MNT: variants seen among roughly 807,000 people sequenced by gnomAD.
The protein encoded by MNT is max-binding protein MNT.
Under a neutral mutation model 40.7 loss-of-function variants are expected in MNT, and 13 were observed. That is an observed-to-expected ratio of 0.32 (90% CI 0.21 to 0.51). The LOEUF is 0.51. Ranked by LOEUF, MNT falls within the 20% of genes least tolerant of loss-of-function variation. The pLI is 0.98. For synonymous variants in MNT, 426 were observed against 354.8 expected, an observed-to-expected ratio of 1.20 and a Z score of -2.26; for missense variants, 757 against 792.0, an observed-to-expected ratio of 0.96 and a Z score of 0.53.
chr17:2,391,813 G>A (rs1287817598), intron 4 of MNT: 1 of 152,318 alleles, frequency 6.6e-6, no homozygotes, highest in Non-Finnish European at 1.5e-5. Context: ...GTTTGTGTTT[G>A]TTCTTAGAGA....
intron 4 of MNT, among the ~76,000 whole-genome samples, chr17:2,392,957 G>C (rs1400796390): frequency 6.6e-6 from 1 of 152,140 alleles, no homozygotes; most frequent in Non-Finnish European, 1.5e-5. Flanking sequence ...CCCTCAGCAA[G>C]TCAGGCTCCG....
At chr17:2,398,658 A>C (rs893230065) in intron 1 of MNT, among the ~76,000 whole-genome samples, 1 of 152,256 alleles carries the variant, frequency 6.6e-6, no homozygotes, top group Non-Finnish European at 1.5e-5. Context: ...AGTCGTGACC[A>C]GGCCGCTGAA....
intron 4 of MNT, chr17:2,392,795 G>A (rs1054804048): frequency 1.0e-4 from 15 of 149,884 alleles, no homozygotes; most frequent in African/African-American, 3.5e-4. Context: ...CAATCCGCGA[G>A]CCCGGCCCCG....
At chr17:2,400,087 G>T (rs2066604254) in intron 1 of MNT, among the ~76,000 whole-genome samples, 1 of 151,878 alleles carries the variant, frequency 6.6e-6, no homozygotes, top group Admixed American at 6.5e-5. Flanking sequence ...TGCCGGGAGC[G>T]CCCCCCGCAC....
intron 1 of MNT, among the ~76,000 whole-genome samples, chr17:2,395,903 G>T (rs1484149153): frequency 4.6e-5 from 7 of 152,152 alleles, no homozygotes; most frequent in Admixed American, 4.6e-4. Flanking sequence ...ACCAGAGGGG[G>T]GGGTGTGCTG....
At chr17:2,392,604 C>CA (rs1399819621) in intron 4 of MNT, 3 of 152,282 alleles carry the variant, frequency 2.0e-5, no homozygotes, top group Admixed American at 6.5e-5. Flanking sequence ...CCAGGTTCTG[C>CA]AAAACGATTC....
At chr17:2,393,606 C>T (rs977618820) in intron 4 of MNT, among the ~76,000 whole-genome samples, 1 of 152,198 alleles carries the variant, frequency 6.6e-6, no homozygotes, top group Non-Finnish European at 1.5e-5. Context: ...GGGACCACGC[C>T]CAACCCTCCC....
At chr17:2,395,894 C>T (rs1429595920) in intron 1 of MNT, among the ~76,000 whole-genome samples, 1 of 144,818 alleles carries the variant, frequency 6.9e-6, no homozygotes, top group East Asian at 2.0e-4. Flanking sequence ...AGACTTCACA[C>T]CAGAGGGGGG....
intron 1 of MNT, chr17:2,396,327 CGCCA>C (rs2066578841): frequency 6.5e-6 from 1 of 153,452 alleles, no homozygotes; most frequent in Admixed American, 6.5e-5. Flanking sequence ...CCAGCAGCAG[CGCCA>C]GCATGTCCTG....
At chr17:2,400,608 C>G (rs1448511313) in intron 1 of MNT, 32 bp downstream of exon 1, 5 of 1,565,918 alleles carry the variant, frequency 3.2e-6, no homozygotes, top group Non-Finnish European at 4.3e-6. Flanking sequence ...TCCCCTTCCC[C>G]AGTGCCCCAG....
rs538046078 is a variant in MNT, at chr17:2,394,205, C to T, written c.696-51G>A. 93 of 1,188,104 alleles carry T rather than the reference C, an allele frequency of 7.8e-5. 2 individuals carry two copies. In the South Asian group the frequency reaches 1.0e-3, roughly 13 times the overall value. 73.6% of individuals were successfully genotyped at this position (1,188,104 alleles called of 1,614,324 possible). ...AGCGGTGCCTGGGGCGGGGCTGGGA[C>T]GGGGGGAGGCAGGACCGGGGAAGCT... On this transcript the variant is annotated intron_variant, in intron 3 of 5. Coordinates refer to ENST00000174618, the MANE Select transcript of MNT (RefSeq NM_020310.3).
chr17:2,400,484 C>G (rs958469298), intron 1 of MNT, 156 bp downstream of exon 1: 1 of 581,322 alleles, frequency 1.7e-6, no homozygotes, highest in African/African-American at 2.0e-5. Context: ...CCACATCACC[C>G]CTCCCCAGGC....
At chr17:2,392,367 C>T (rs938186432) in intron 4 of MNT, among the ~76,000 whole-genome samples, 11 of 152,206 alleles carry the variant, frequency 7.2e-5, no homozygotes, top group Non-Finnish European at 1.6e-4. Flanking sequence ...TCACCGGGCC[C>T]AGCTCCTCAA....
chr17:2,394,151 C>T lies in MNT; in HGVS notation c.699G>A (p.Arg233=), dbSNP rs1174827855. 2 of 1,608,554 alleles carry T rather than the reference C, an allele frequency of 1.2e-6. No individual in the cohort carries two copies. The highest frequency in any genetic ancestry group is 1.7e-5 in the Admixed American group (1 of 59,704). ...EVHNKLEKNR[R]AHLKECFETL... ...TCTCAAAGCACTCTTTCAGATGGGC[C>T]CTCCTGAAGAGAGGGGCGAGCGCCG... The change falls in exon 4 of 6, where the codon AGG becomes AGA. Residue 233 remains arginine, a synonymous_variant. Coordinates refer to ENST00000174618, the MANE Select transcript of MNT (RefSeq NM_020310.3).
At chr17:2,391,191 G>A (rs1258625555) in intron 4 of MNT, 2 of 152,362 alleles carry the variant, frequency 1.3e-5, no homozygotes, top group Non-Finnish European at 2.9e-5. Flanking sequence ...ATTTTGCCAT[G>A]TTGGCCAGGA....
intron 1 of MNT, chr17:2,396,805 C>CCGCTGA (rs1464991125): frequency 6.6e-6 from 1 of 152,468 alleles, no homozygotes; most frequent in Non-Finnish European, 1.5e-5. Context: ...CCGCCCCGCT[C>CCGCTGA]CGCTGACGAA....
Position 2,384,682 on chromosome 17 carries a change from A to T in MNT, c.*2219T>A, listed in dbSNP as rs1192579259. ...CCAGGCGGTCCCACAGGGTGAGGAC[A>T]GATGTGGTCCCGACAGCACTCTGGG... On this transcript the variant is annotated 3_prime_UTR_variant, in exon 6 of 6. Transcript: ENST00000174618. 4 of 152,408 alleles carry T rather than the reference A, an allele frequency of 2.6e-5. No homozygotes were observed. 9.4% of individuals were successfully genotyped at this position (152,408 alleles called of 1,614,324 possible).
At chr17:2,388,252 G>A in intron 4 of MNT, 1 of 551,460 alleles carries the variant, frequency 1.8e-6, no homozygotes, top group Non-Finnish European at 3.2e-6. Flanking sequence ...AAGGAGTGTG[G>A]GCTCTTGGGA....
At position 2,387,411 on chromosome 17, in the gene MNT, A is replaced by T. The variant is rs1384428494; in HGVS notation, c.1239T>A (p.Pro413=). 1.9e-6 allele frequency: 3 copies of T among 1,610,200 alleles called. No homozygotes were observed. Among genetic ancestry groups the T allele is most frequent in the Non-Finnish European group, 2.5e-6 (3 of 1,178,400 alleles). The stretch of plus-strand genomic sequence containing the variant: ...TCTGGGCAGGGGCAGCCGGTGGGGG[A>T]GGAGGGGCTGGCAGAGGGGTCTTCT... ...PQQKTPLPAP[P]PPPAAPAQTL... Residue 413 remains proline, a synonymous_variant, in exon 6 of 6, where the codon CCT becomes CCA. Coordinates refer to ENST00000174618, the MANE Select transcript of MNT (RefSeq NM_020310.3).
Sources: allele counts gnomAD v4.1 joint callset (sites outside exome capture counted in the v4.1 genomes callset), GRCh38; gene constraint gnomAD v4.1.1; transcripts MANE v1.5; gene names NCBI Gene and HGNC (gene_info 2026-07-23, HGNC 2026-07-21).